The following DHX37 variants were observed in gnomAD, a reference collection of about 807,000 sequenced individuals.
The protein encoded by DHX37 is DEAH-box helicase 37.
A neutral mutation model predicts 134.3 loss-of-function variants in DHX37; 52 were observed. That is an observed-to-expected ratio of 0.39 (90% confidence interval 0.31 to 0.49). The LOEUF (loss-of-function observed/expected upper bound fraction) is 0.49, where lower values mean the gene tolerates loss of function less well. Ranked by LOEUF, DHX37 falls within the 20% of genes least tolerant of loss-of-function variation. DHX37 has a pLI of 0.93. For synonymous variants in DHX37, 634 were observed against 670.7 expected, an observed-to-expected ratio of 0.95 and a Z score of 0.85; for missense variants, 1,344 against 1,580.8, an observed-to-expected ratio of 0.85 and a Z score of 2.54.
Position 124,948,154 on chromosome 12 carries a change from C to A in DHX37, c.3318G>T (p.Leu1106=). The A allele has an allele frequency of 6.2e-7, 1 of 1,614,214 alleles. No individual in the cohort carries two copies. Among genetic ancestry groups the A allele is most frequent in the South Asian group, 1.1e-5 (1 of 91,088 alleles). The part of the protein sequence containing the change: ...ARLQPRTESL[L]RALVAEKADC... ...CAGCCTTCTCTGCAACCAGGGCTCG[C>A]AGAAGGCTCTCCGTACGGGGCTGCA... Residue 1106 remains leucine (L), a synonymous_variant, in exon 26 of 27, where the codon CTG becomes CTT. Transcript: ENST00000308736.
intron 25 of DHX37, chr12:124,948,501 C>T (rs1953914891): frequency 2.6e-6 from 1 of 388,924 alleles, no homozygotes; most frequent in East Asian, 4.9e-5. Context: ...AATCCCAGCA[C>T]TTTGGGAAGC....
chr12:124,956,660 G>T, intron 18 of DHX37, 31 bp downstream of exon 18: 1 of 1,518,490 alleles, frequency 6.6e-7, no homozygotes, highest in South Asian at 1.3e-5. Flanking sequence ...AACTGAGCTT[G>T]GCCCTGAGTG....
intron 4 of DHX37, among the ~76,000 whole-genome samples, chr12:124,979,300 C>A (rs1437093886): frequency 6.6e-6 from 1 of 152,134 alleles, no homozygotes; most frequent in Non-Finnish European, 1.5e-5. Context: ...GCCTCGGAGG[C>A]GGAGGTTGCA....
intron 16 of DHX37, among the ~76,000 whole-genome samples, chr12:124,959,073 CTTT>C (rs1188884814): frequency 8.6e-6 from 1 of 115,756 alleles, no homozygotes; most frequent in Admixed American, 8.9e-5. Flanking sequence ...CCACACCTGG[CTTT>C]TTTTTTTTTT....
At position 124,968,651 on chromosome 12, in the gene DHX37, G is replaced by A. The variant is rs770197570; in HGVS notation, c.1294-3C>T. On this transcript the variant is annotated splice_polypyrimidine_tract_variant and splice_region_variant and intron_variant, in intron 9 of 26. Transcript: ENST00000308736. ...ACTGGGAACTGCCTGGATTCCACCTGTGGGACGCCCAGGAAGGCATGGGGA... is the reference window on the plus strand; with the variant it reads ...ACTGGGAACTGCCTGGATTCCACCTATGGGACGCCCAGGAAGGCATGGGGA... The A allele has an allele frequency of 3.1e-6, 5 of 1,613,948 alleles. No individual in the cohort carries two copies. Among genetic ancestry groups the A allele is most frequent in the African/African-American group, 1.3e-5 (1 of 74,998 alleles).
chr12:124,980,909 T>C lies in DHX37; in HGVS notation c.390-71A>G. The C allele has an allele frequency of 6.7e-7, 1 of 1,488,292 alleles. No individual in the cohort carries two copies. Among genetic ancestry groups the C allele is most frequent in the Non-Finnish European group, 8.9e-7 (1 of 1,118,588 alleles). 92.2% of individuals were successfully genotyped at this position (1,488,292 alleles called of 1,614,324 possible). A position where few individuals can be genotyped will look rare whatever the true frequency, so the allele number is the denominator to read the frequency against. On this transcript the variant is annotated intron_variant, in intron 3 of 26. Coordinates refer to ENST00000308736, the MANE Select transcript of DHX37 (RefSeq NM_032656.4). The surrounding 1 kb of genome is among the most constrained non-coding windows in gnomAD (Gnocchi z 5.3). ...CCCAGAGGTCAGGACTCCAAGGCCA[T>C]ACCCCTTTCTGCCTCAGGGACTTTG...
At chr12:124,974,629 G>A (rs1197263429) in intron 6 of DHX37, among the ~76,000 whole-genome samples, 1 of 151,136 alleles carries the variant, frequency 6.6e-6, no homozygotes, top group Non-Finnish European at 1.5e-5. Context: ...GTGCTCTTTT[G>A]TGCCTTCTGG....
intron 6 of DHX37, 93 bp from the exon 7 acceptor site, chr12:124,972,692 C>T (rs770401500): frequency 3.8e-5 from 49 of 1,296,358 alleles, no homozygotes; most frequent in Non-Finnish European, 5.1e-5. Context: ...AGCAGGCAGG[C>T]GGCTTGAGGG....
In DHX37 at chr12:124,986,085, G is replaced by A; in HGVS notation, c.276+11C>T. 1.2e-6 allele frequency: 2 copies of A among 1,613,092 alleles called. No homozygotes were observed. The highest frequency in any genetic ancestry group is 1.3e-5 in the African/African-American group (1 of 74,826). The stretch of plus-strand genomic sequence containing the variant: ...AGAGCCACTTGCAGACCCTGCCCGA[G>A]TGGGGTGTACCTGGCTCTTTTTCTC... On this transcript the variant is annotated intron_variant, in intron 2 of 26. Coordinates refer to ENST00000308736, the MANE Select transcript of DHX37 (RefSeq NM_032656.4).
chr12:124,982,393 A>C, intron 3 of DHX37, 118 bp downstream of exon 3: 1 of 1,355,178 alleles, frequency 7.4e-7, no homozygotes, highest in Non-Finnish European at 1.0e-6. Flanking sequence ...TCAGCCACTC[A>C]GGCCACCATA....
Position 124,949,889 on chromosome 12 carries a change from C to T in DHX37, c.3290+97G>A. The T allele has an allele frequency of 7.6e-7, 1 of 1,320,574 alleles. No individual in the cohort carries two copies. The highest frequency in any genetic ancestry group is 1.4e-5 in the South Asian group (1 of 73,982). The allele number at this position is 1,320,574 out of a possible 1,614,324, so 81.8% of individuals were successfully genotyped here. ...AGCACAGACTTCTGATGTTTTAAGCCTCCCTGTGTGTGGTGCTTTGTCCTG... is the reference window on the plus strand; with the variant it reads ...AGCACAGACTTCTGATGTTTTAAGCTTCCCTGTGTGTGGTGCTTTGTCCTG... On this transcript the variant is annotated intron_variant, in intron 25 of 26. Coordinates refer to ENST00000308736, the MANE Select transcript of DHX37 (RefSeq NM_032656.4). This position sits in a 1 kb window ranked among gnomAD's most constrained non-coding sequence, Gnocchi z 4.0.
chr12:124,977,351 C>A lies in DHX37; in HGVS notation c.878G>T (p.Gly293Val), dbSNP rs1954668803. 6.4e-7 allele frequency: 1 copy of A among 1,566,090 alleles called. No individual in the cohort carries two copies. The change falls in exon 5 of 27, where the codon GGC becomes GTC. Residue 293 changes from glycine (G) to valine (V), a missense_variant. This residue lies in a region of DHX37 where 77 missense variants were observed against 121.6 expected (regional missense o/e 0.63). Coordinates refer to ENST00000308736, the MANE Select transcript of DHX37 (RefSeq NM_032656.4). ...TQVPQFLYEA[G>V]FSSEDSIIGV... is the part of the protein sequence containing the mutation. ...TGTGTCCAGCCCCTACCTGCTGAAG[C>A]CTGCTTCATAGAGAAACTGAGGCAC...
Position 124,950,104 on chromosome 12 carries a change from C to T in DHX37, c.3216+45G>A, listed in dbSNP as rs534741085. The T allele has an allele frequency of 1.1e-5, 17 of 1,613,820 alleles. No homozygotes were observed. In the South Asian group the frequency reaches 1.8e-4, roughly 17 times the overall value. ...AGGGGTGAGGCCCGGGCTGCTGCTG[C>T]CCACGGTACCCGAGATGAGGGTCTG... On this transcript the variant is annotated intron_variant, in intron 24 of 26. Coordinates refer to ENST00000308736, the MANE Select transcript of DHX37 (RefSeq NM_032656.4).
At chr12:124,971,497 G>C in intron 7 of DHX37, 82 bp from the exon 8 acceptor site, 1 of 1,553,210 alleles carries the variant, frequency 6.4e-7, no homozygotes, top group Non-Finnish European at 8.7e-7. Flanking sequence ...CCCACTTGAG[G>C]AGACAGTGTT....
chr12:124,965,694 T>C lies in DHX37; in HGVS notation c.1709A>G (p.Asp570Gly). The C allele has an allele frequency of 6.2e-7, 1 of 1,613,162 alleles. No homozygotes were observed. Among genetic ancestry groups the C allele is most frequent in the African/African-American group, 1.3e-5 (1 of 75,018 alleles). Reference sequence around the variant, plus strand: ...TCCATCTTGCCCGCCATCCCCCAGGTCCAGATCGAGGTCGGAGTCCAGGGC... The same window carrying C: ...TCCATCTTGCCCGCCATCCCCCAGGCCCAGATCGAGGTCGGAGTCCAGGGC... The part of the protein sequence containing the change: ...EGALDSDLDL[D>G]LGDGGQDGGE... The change falls in exon 13 of 27, where the codon GAC (aspartate) becomes GGC (glycine). Residue 570 changes from aspartate to glycine, a missense_variant. This residue lies in a region of DHX37 where 289 missense variants were observed against 323.8 expected (regional missense o/e 0.89). Coordinates refer to ENST00000308736, the MANE Select transcript of DHX37 (RefSeq NM_032656.4).
In DHX37 at chr12:124,954,205, C is replaced by T. The variant is rs186513005; in HGVS notation, c.2460G>A (p.Ala820=). 32 of 1,594,110 alleles carry T rather than the reference C, an allele frequency of 2.0e-5. No homozygotes were observed. The highest frequency in any genetic ancestry group is 1.3e-4 in the East Asian group (6 of 44,822). The change falls in exon 19 of 27, where the codon GCG becomes GCA. Residue 820 remains alanine, a synonymous_variant. Coordinates refer to ENST00000308736, the MANE Select transcript of DHX37 (RefSeq NM_032656.4). ...RELFEELDRP[A]ASDEELTRLK... is the part of the protein sequence containing the mutation. ...GCCTGGTGAGCTCCTCGTCACTGGC[C>T]GCTGGTCTGCAAACACACATACATA...
intron 4 of DHX37, among the ~76,000 whole-genome samples, chr12:124,978,822 C>G (rs1954699046): frequency 6.6e-6 from 1 of 151,534 alleles, no homozygotes; most frequent in South Asian, 2.1e-4. Context: ...GTGCCAGCTA[C>G]TCAGGAGGCT....
rs10773125 is a variant in DHX37 at position 124,950,842 on chromosome 12, C to T, written c.2869-38G>A. The T allele has an allele frequency of 0.56, 863,059 of 1,532,508 alleles. 248,010 individuals carry two copies. The highest frequency in any genetic ancestry group is 0.78 in the East Asian group (31,037 of 39,774). 94.9% of individuals were successfully genotyped at this position (1,532,508 alleles called of 1,614,324 possible). A position where few individuals can be genotyped will look rare whatever the true frequency, so the allele number is the denominator to read the frequency against. On this transcript the variant is annotated intron_variant, in intron 21 of 26. Transcript: ENST00000308736. The stretch of plus-strand genomic sequence containing the variant: ...GAGAGTGATGTGGTCAGGGAAGAAC[C>T]CATGCCCAGGGGCTCCGCATACTTT...
At position 124,956,832 on chromosome 12, in the gene DHX37, A is replaced by G; in HGVS notation, c.2312T>C (p.Leu771Pro). Residue 771 changes from leucine (L) to proline (P), a missense_variant, in exon 18 of 27, where the codon CTG becomes CCG. This residue lies in a region of DHX37 where 558 missense variants were observed against 650.0 expected (regional missense o/e 0.86). Coordinates refer to ENST00000308736, the MANE Select transcript of DHX37 (RefSeq NM_032656.4). ...ENRLSCPITA[L>P]GRTMATFPVA... is the part of the protein sequence containing the mutation. ...GGGGAATGTGGCCATTGTCCGGCCC[A>G]GCGCAGTGATGGGGCAGCTCAGCCG... The G allele has an allele frequency of 1.9e-6, 3 of 1,608,836 alleles. No homozygotes were observed. Among genetic ancestry groups the G allele is most frequent in the Non-Finnish European group, 2.6e-6 (3 of 1,176,196 alleles).
Sources: gnomAD v4.1 joint callset for allele counts (sites outside exome capture counted in the v4.1 genomes callset) on GRCh38, gnomAD v4.1.1 for gene constraint, gnomAD v4.1.1 regional missense constraint, Gnocchi (gnomAD v3.1) non-coding constraint, MANE v1.5 for transcripts, NCBI Gene and HGNC (gene_info 2026-07-23, HGNC 2026-07-21) for gene names.